The following DISP3 variants were observed in gnomAD, a reference collection of about 807,000 sequenced individuals.
The protein encoded by DISP3 is dispatched RND transporter family member 3.
DISP3 carries 101 observed loss-of-function variants against 135.3 expected under a neutral mutation model. The observed-to-expected ratio is 0.75, with a 90% CI of 0.64 to 0.88. The LOEUF (loss-of-function observed/expected upper bound fraction) is 0.88, where lower values mean the gene tolerates loss of function less well. DISP3 is among the 40% of genes least tolerant of loss of function. The pLI, the probability that DISP3 is intolerant of heterozygous loss-of-function variation, is 0.00. For synonymous variants in DISP3, 856 were observed against 817.0 expected, an observed-to-expected ratio of 1.05 and a Z score of -0.81; for missense variants, 1,713 against 1,878.6, an observed-to-expected ratio of 0.91 and a Z score of 1.63.
intron 2 of DISP3, 35 bp downstream of exon 2, chr1:11,502,123 C>A (rs1641558262): frequency 6.6e-7 from 1 of 1,526,494 alleles, no homozygotes; most frequent in South Asian, 1.3e-5. Flanking sequence ...GGGCGTAGGT[C>A]CAGGTTTCAT....
intron 1 of DISP3, among the ~76,000 whole-genome samples, chr1:11,500,226 A>C (rs1641463827): frequency 6.6e-6 from 1 of 152,220 alleles, no homozygotes; most frequent in Non-Finnish European, 1.5e-5. Context: ...AAGGGGTGGG[A>C]AGCTACTGAG....
chr1:11,501,458 C>G lies in DISP3; in HGVS notation c.466C>G (p.Leu156Val). The change falls in exon 2 of 21, where the codon CTG becomes GTG. Residue 156 changes from leucine to valine, a missense_variant. By Grantham distance (32) the Leu-to-Val change is conservative. Around this residue, in one of 2 missense-constraint regions of DISP3, gnomAD observed 571 missense variants for 494.1 expected, o/e 1.16. Coordinates refer to ENST00000294484, the MANE Select transcript of DISP3 (RefSeq NM_020780.2). The surrounding 1 kb of genome is among the most constrained non-coding windows in gnomAD (Gnocchi z 4.9). ...GCTTCAGCGCCTTATCTCAGAGCAG[C>G]TGCAGCAGCTGCATCTCGGCAACCG... ...ETLQRLISEQ[L>V]QQLHLGNRSR... 6.2e-7 allele frequency: 1 copy of G among 1,602,062 alleles called. No homozygotes were observed. Among genetic ancestry groups the G allele is most frequent in the African/African-American group, 1.3e-5 (1 of 74,718 alleles).
At position 11,483,769 on chromosome 1, in the gene DISP3, C is replaced by T. The variant is rs1362231025; in HGVS notation, c.-4+4397C>T. On this transcript the variant is annotated intron_variant, in intron 1 of 20. Transcript: ENST00000294484. This position sits in a 1 kb window ranked among gnomAD's most constrained non-coding sequence, Gnocchi z 5.4. ...CATGGCTGGGCCGGAGCTGAGTCCC[C>T]GTGAGAGTCTGGAATGGGACTCAAG... Among the ~76,000 whole-genome samples, 3 of 152,162 alleles carry T rather than the reference C, an allele frequency of 2.0e-5. No individual in the cohort carries two copies. The highest frequency in any genetic ancestry group is 7.2e-5 in the African/African-American group (3 of 41,420).
chr1:11,515,188 C>T lies in DISP3; in HGVS notation c.1454-181C>T, dbSNP rs574309056. Among the ~76,000 whole-genome samples, 5 of 152,340 alleles carry T rather than the reference C, an allele frequency of 3.3e-5. 1 individual carries two copies. Among genetic ancestry groups the T allele is most frequent in the African/African-American group, 9.6e-5 (4 of 41,580 alleles). ...CAGTCTGCCACTTGGGCCTCCTGCC[C>T]GGTGCCCTTTTTGGGTGTGGAAAAC... is the stretch of plus-strand genomic sequence containing the variant. On this transcript the variant is annotated intron_variant, in intron 4 of 20. Coordinates refer to ENST00000294484, the MANE Select transcript of DISP3 (RefSeq NM_020780.2).
chr1:11,532,217 T>A (rs1156852788), intron 17 of DISP3, among the ~76,000 whole-genome samples: 2 of 152,264 alleles, frequency 1.3e-5, no homozygotes, highest in African/African-American at 4.8e-5. Flanking sequence ...ATGCACACAC[T>A]CCTGACCTGG....
rs905809192 is a variant in DISP3 at position 11,490,125 on chromosome 1, G to A, written c.-4+10753G>A. 1.1e-4 allele frequency among the ~76,000 whole-genome samples: 16 copies of A among 152,224 alleles called. 1 individual carries two copies. Among genetic ancestry groups the A allele is most frequent in the Middle Eastern group, 3.4e-3 (1 of 294 alleles). The stretch of plus-strand genomic sequence containing the variant: ...TGGGACTGAGGGTGGGAGAGATGTC[G>A]GGGGTGGGGGTGGTCTGGACGGATT... On this transcript the variant is annotated intron_variant, in intron 1 of 20. Coordinates refer to ENST00000294484, the MANE Select transcript of DISP3 (RefSeq NM_020780.2).
chr1:11,482,565 G>A (rs1640930136), intron 1 of DISP3, among the ~76,000 whole-genome samples: 1 of 152,136 alleles, frequency 6.6e-6, no homozygotes, highest in South Asian at 2.1e-4. Flanking sequence ...AAAATGGTGG[G>A]GTGGTAGTAG....
intron 1 of DISP3, among the ~76,000 whole-genome samples, chr1:11,497,026 G>A (rs1217898650): frequency 6.6e-6 from 1 of 152,134 alleles, no homozygotes; most frequent in Non-Finnish European, 1.5e-5. Flanking sequence ...GCAGGCACGG[G>A]GTGGGGAGGG....
intron 1 of DISP3, among the ~76,000 whole-genome samples, chr1:11,498,056 G>A (rs557591285): frequency 1.8e-4 from 28 of 152,306 alleles, no homozygotes; most frequent in Admixed American, 1.8e-3. Context: ...GAGTGGCTGG[G>A]CCCAATTTTC....
intron 1 of DISP3, among the ~76,000 whole-genome samples, chr1:11,484,581 T>A (rs1640986087): frequency 6.6e-6 from 1 of 152,186 alleles, no homozygotes; most frequent in African/African-American, 2.4e-5. Flanking sequence ...GGAGAGAAGA[T>A]GCTGGAGAGG....
At chr1:11,525,022 G>T (rs1401105791) in intron 11 of DISP3, among the ~76,000 whole-genome samples, 154 bp from the exon 12 acceptor site, 2 of 151,738 alleles carry the variant, frequency 1.3e-5, no homozygotes, top group Non-Finnish European at 2.9e-5. Flanking sequence ...CATGGACCTG[G>T]TCCAGTAGAG....
At chr1:11,515,190 G>T (rs1345541363) in intron 4 of DISP3, among the ~76,000 whole-genome samples, 179 bp from the exon 5 acceptor site, 2 of 152,236 alleles carry the variant, frequency 1.3e-5, no homozygotes, top group African/African-American at 4.8e-5. Flanking sequence ...CTCCTGCCCG[G>T]TGCCCTTTTT....
chr1:11,489,663 C>G (rs1213131818), intron 1 of DISP3, among the ~76,000 whole-genome samples: 1 of 152,170 alleles, frequency 6.6e-6, no homozygotes, highest in Non-Finnish European at 1.5e-5. Context: ...CTTCCCGCTC[C>G]CCATCTGGCA....
intron 1 of DISP3, among the ~76,000 whole-genome samples, chr1:11,493,847 C>T (rs1641255778): frequency 1.3e-5 from 2 of 152,236 alleles, no homozygotes; most frequent in Non-Finnish European, 2.9e-5. Context: ...TTAACCATCA[C>T]ACCCATGACC....
At chr1:11,496,315 G>C (rs1443288881) in intron 1 of DISP3, among the ~76,000 whole-genome samples, 3 of 152,158 alleles carry the variant, frequency 2.0e-5, no homozygotes, top group Non-Finnish European at 4.4e-5. Context: ...ATGGGCCCCG[G>C]CAAGGCCCAG....
At chr1:11,511,749 T>A (rs751134857) in intron 3 of DISP3, among the ~76,000 whole-genome samples, 8 of 152,164 alleles carry the variant, frequency 5.3e-5, no homozygotes, top group Non-Finnish European at 1.0e-4. Context: ...GGACTCTGTG[T>A]GGGGACTCTG....
rs112864177 is a variant in DISP3, at chr1:11,528,945, C to G, written c.2799-611C>G. ...TCCCTTCCAGCCTGGGACCCTGACT[C>G]GGGGGTGGGGGCCCCTCTGCCTGTC... On this transcript the variant is annotated intron_variant, in intron 13 of 20. Coordinates refer to ENST00000294484, the MANE Select transcript of DISP3 (RefSeq NM_020780.2). Among the ~76,000 whole-genome samples, 5 of 152,292 alleles carry G rather than the reference C, an allele frequency of 3.3e-5. 1 individual carries two copies. The highest frequency in any genetic ancestry group is 1.2e-4 in the African/African-American group (5 of 41,574).
intron 5 of DISP3, 61 bp downstream of exon 5, chr1:11,515,564 T>C (rs1641986809): frequency 6.5e-7 from 1 of 1,546,448 alleles, no homozygotes; most frequent in Non-Finnish European, 8.7e-7. Flanking sequence ...CCCCATCCCC[T>C]TTCTCCCTGG....
At chr1:11,489,279 C>T (rs1367558131) in intron 1 of DISP3, among the ~76,000 whole-genome samples, 3 of 152,204 alleles carry the variant, frequency 2.0e-5, no homozygotes, top group East Asian at 1.9e-4. Context: ...TCTCTTTGGG[C>T]GCTATGGGGC....
Sources: gnomAD v4.1 joint callset for allele counts (sites outside exome capture counted in the v4.1 genomes callset) on GRCh38, gnomAD v4.1.1 for gene constraint, gnomAD v4.1.1 regional missense constraint, Gnocchi (gnomAD v3.1) non-coding constraint, MANE v1.5 for transcripts, NCBI Gene and HGNC (gene_info 2026-07-23, HGNC 2026-07-21) for gene names.